The following TCF12 variants were observed in gnomAD, a reference collection of about 807,000 sequenced individuals.
The protein encoded by TCF12 is transcription factor 12.
Under a neutral mutation model 86.0 loss-of-function variants are expected in TCF12, and 45 were observed. The observed-to-expected ratio is 0.52, with a 90% CI of 0.41 to 0.67. The LOEUF (loss-of-function observed/expected upper bound fraction) is 0.67. TCF12 is among the 30% of genes least tolerant of loss of function. The pLI is 0.00. For missense variants in TCF12, 881 were observed against 859.9 expected, an observed-to-expected ratio of 1.02 and a Z score of -0.31; for synonymous variants, 330 against 299.6, an observed-to-expected ratio of 1.10 and a Z score of -1.05.
intron 8 of TCF12, among the ~76,000 whole-genome samples, chr15:57,205,829 C>A (rs1318903461): frequency 1.3e-5 from 2 of 152,044 alleles, no homozygotes; most frequent in Non-Finnish European, 2.9e-5. Flanking sequence ...TGTGAGAAGT[C>A]GGTAATGTCT....
intron 5 of TCF12, among the ~76,000 whole-genome samples, chr15:57,105,337 G>C (rs529997081): frequency 9.9e-5 from 15 of 152,254 alleles, no homozygotes; most frequent in African/African-American, 3.4e-4. Flanking sequence ...GCAGCTCCCT[G>C]GTGAGGGAAC....
chr15:57,219,506 C>T (rs1479405473), intron 8 of TCF12: 1 of 1,609,668 alleles, frequency 6.2e-7, no homozygotes, highest in East Asian at 2.2e-5. Context: ...CAAATAGTAA[C>T]ATTTTCAAAA....
intron 3 of TCF12, among the ~76,000 whole-genome samples, chr15:56,950,913 C>G (rs2061243607): frequency 6.6e-6 from 1 of 151,760 alleles, no homozygotes; most frequent in Non-Finnish European, 1.5e-5. Flanking sequence ...TGTACCACCA[C>G]ACCTGGCTAA....
intron 6 of TCF12, among the ~76,000 whole-genome samples, chr15:57,189,935 A>G (rs1242334399): frequency 6.6e-6 from 1 of 152,254 alleles, no homozygotes; most frequent in Non-Finnish European, 1.5e-5. Context: ...AAGCTGTAAT[A>G]TAGATGAACT....
At chr15:57,240,879 C>CAAAAAAAAAAAA (rs68154303) in intron 12 of TCF12, among the ~76,000 whole-genome samples, 33 of 65,688 alleles carry the variant, frequency 5.0e-4, no homozygotes, top group African/African-American at 1.6e-3. Flanking sequence ...GACCCTGTCT[C>CAAAAAAAAAAAA]AAAAAAAAAA....
chr15:56,927,958 G>T (rs1403892022), intron 3 of TCF12, among the ~76,000 whole-genome samples: 2 of 152,136 alleles, frequency 1.3e-5, no homozygotes, highest in Non-Finnish European at 2.9e-5. Context: ...GTGACTGGAG[G>T]GAATTCCTGT....
In TCF12 at chr15:57,218,575, A is replaced by G. The variant is rs116282834; in HGVS notation, c.580-12577A>G. ...AATATGAATATACAAAGTATTAAGAACAATAATAAACTTAGAGGAAAGACT... is the reference window on the plus strand; with the variant it reads ...AATATGAATATACAAAGTATTAAGAGCAATAATAAACTTAGAGGAAAGACT... On this transcript the variant is annotated intron_variant, in intron 8 of 20. Transcript: ENST00000333725. 5.1e-3 allele frequency among the ~76,000 whole-genome samples: 781 copies of G among 152,290 alleles called. 6 individuals are homozygous for G. Among genetic ancestry groups the G allele is most frequent in the African/African-American group, 0.017 (715 of 41,562 alleles).
rs1427301623 is a variant in TCF12 at position 57,170,722 on chromosome 15, T to TATTATA, written c.390+4256_390+4257insATTATA. Among the ~76,000 whole-genome samples, 4 of 25,876 alleles carry TATTATA rather than the reference T, an allele frequency of 1.5e-4. No homozygotes were observed. In the East Asian group the frequency reaches 2.6e-3, roughly 17 times the overall value. 17.0% of individuals were successfully genotyped at this position (25,876 alleles called of 152,430 possible). Reference sequence around the variant, plus strand: ...TTATATATAATATATAATATATATATTATATATTATATATAATATATATTA... The same window carrying TATTATA: ...TTATATATAATATATAATATATATATATTATATATATATTATATATAATATATATTA... On this transcript the variant is annotated intron_variant, in intron 6 of 20. Transcript: ENST00000333725.
At chr15:57,067,814 A>T (rs554181795) in intron 4 of TCF12, among the ~76,000 whole-genome samples, 1 of 152,268 alleles carries the variant, frequency 6.6e-6, no homozygotes, top group East Asian at 1.9e-4. Flanking sequence ...CAGTTTTAGA[A>T]ATTTGTGAAT....
chr15:57,027,547 A>G (rs1311556501), intron 3 of TCF12, among the ~76,000 whole-genome samples: 5 of 150,874 alleles, frequency 3.3e-5, no homozygotes, highest in Non-Finnish European at 4.4e-5. Flanking sequence ...TTTTATGGTC[A>G]TTTTTTTTTC....
At chr15:57,246,541 A>G (rs1597602407) in intron 13 of TCF12, among the ~76,000 whole-genome samples, 1 of 79,766 alleles carries the variant, frequency 1.3e-5, no homozygotes, top group Middle Eastern at 6.3e-3. Context: ...ACATGCAGAC[A>G]TATCTCCAGT....
intron 8 of TCF12, among the ~76,000 whole-genome samples, chr15:57,228,129 G>A (rs1000720316): frequency 3.0e-4 from 45 of 150,166 alleles, no homozygotes; most frequent in African/African-American, 1.1e-3. Context: ...GGAATTGGCT[G>A]ACTATTTCCC....
At chr15:56,924,235 A>T (rs1475048262) in intron 3 of TCF12, among the ~76,000 whole-genome samples, 2 of 152,182 alleles carry the variant, frequency 1.3e-5, no homozygotes, top group African/African-American at 4.8e-5. Flanking sequence ...TTAGTACAGT[A>T]TCACAACTAG....
intron 4 of TCF12, among the ~76,000 whole-genome samples, chr15:57,066,723 C>G (rs1414973705): frequency 6.6e-6 from 1 of 152,166 alleles, no homozygotes; most frequent in Non-Finnish European, 1.5e-5. Context: ...CATTCTATCC[C>G]TCTCCCATTC....
At chr15:57,151,401 A>T (rs2053749259) in intron 5 of TCF12, among the ~76,000 whole-genome samples, 1 of 152,110 alleles carries the variant, frequency 6.6e-6, no homozygotes. Context: ...TTGTAGGCAT[A>T]GAAACAGAAA....
At chr15:57,161,606 C>G (rs1180220381) in intron 5 of TCF12, among the ~76,000 whole-genome samples, 1 of 152,086 alleles carries the variant, frequency 6.6e-6, no homozygotes, top group Non-Finnish European at 1.5e-5. Flanking sequence ...AGTTGGGTTT[C>G]TTAACCTGGA....
At chr15:57,023,918 A>G (rs1014556469) in intron 3 of TCF12, among the ~76,000 whole-genome samples, 3 of 152,160 alleles carry the variant, frequency 2.0e-5, no homozygotes, top group African/African-American at 7.2e-5. Flanking sequence ...GGATCGTGCA[A>G]CCTAAATCCC....
intron 5 of TCF12, among the ~76,000 whole-genome samples, chr15:57,115,174 G>GA (rs35678516): frequency 2.0e-5 from 3 of 152,234 alleles, no homozygotes; most frequent in South Asian, 4.2e-4. Context: ...CCTTTAACTG[G>GA]AAGAATTAAA....
intron 8 of TCF12, among the ~76,000 whole-genome samples, chr15:57,229,254 A>AT (rs1566949622): frequency 6.6e-6 from 1 of 151,990 alleles, no homozygotes; most frequent in East Asian, 1.9e-4. Flanking sequence ...TGTACAATAC[A>AT]TTGCAGACAC....
Sources: allele counts gnomAD v4.1 joint callset (sites outside exome capture counted in the v4.1 genomes callset), GRCh38; gene constraint gnomAD v4.1.1; transcripts MANE v1.5; gene names NCBI Gene and HGNC (gene_info 2026-07-23, HGNC 2026-07-21).